Variants in PIR observed in about 807,000 individuals in gnomAD.
PIR encodes the protein pirin (iron-binding nuclear protein).
PIR carries 22 observed loss-of-function variants against 24.2 expected under a neutral mutation model. The ratio of observed to expected loss-of-function variants is 0.91; its 90% CI spans 0.65 to 1.30. PIR has a LOEUF of 1.30. Ranked by LOEUF, PIR falls within the 50% of genes most tolerant of loss-of-function variation. The probability of loss-of-function intolerance (pLI) is 0.00; values close to 1 mark genes in which losing one functional copy is unlikely to be tolerated. For missense variants in PIR, 220 were observed against 220.3 expected (o/e 1.00, Z 0.01); for synonymous variants, 80 against 79.6 (o/e 1.00, Z -0.03).
chrX:15,458,412 G>A (rs929924382), intron 4 of PIR, among the ~76,000 whole-genome samples: 2 of 111,432 alleles, frequency 1.8e-5, no homozygotes, highest in African/African-American at 6.5e-5. Context: ...AGGCCAAGGC[G>A]GGTGGATCGC....
intron 7 of PIR, 49 bp from the exon 8 acceptor site, chrX:15,397,580 T>C (rs760545651): frequency 5.9e-5 from 50 of 846,315 alleles, no homozygotes; most frequent in Non-Finnish European, 7.4e-5. Context: ...AGTACATTTG[T>C]TATATGGTTA....
At chrX:15,425,399 T>TTTTC (rs1343730799) in intron 6 of PIR, among the ~76,000 whole-genome samples, 2 of 107,781 alleles carry the variant, frequency 1.9e-5, no homozygotes, top group South Asian at 3.9e-4. Flanking sequence ...TCTGATTTTC[T>TTTTC]TTTCTTTCTT....
intron 3 of PIR, among the ~76,000 whole-genome samples, chrX:15,468,873 T>G (rs891745928): frequency 1.8e-5 from 2 of 112,652 alleles, no homozygotes; most frequent in Non-Finnish European, 3.8e-5. Context: ...CTCCTGCCAT[T>G]AACATATTAT....
At chrX:15,398,491 A>G (rs1017139918) in intron 7 of PIR, among the ~76,000 whole-genome samples, 6 of 111,215 alleles carry the variant, frequency 5.4e-5, no homozygotes, top group African/African-American at 1.6e-4. Context: ...GATAAACCAC[A>G]AGAGGGAAAT....
chrX:15,439,306 G>C (rs1181134066), intron 5 of PIR, among the ~76,000 whole-genome samples: 1 of 112,382 alleles, frequency 8.9e-6, no homozygotes, highest in African/African-American at 3.2e-5. Context: ...CAAAGACTCG[G>C]TAACAAAAAG....
chrX:15,390,102 T>A, intron 9 of PIR, 83 bp downstream of exon 9: 1 of 457,702 alleles, frequency 2.2e-6, no homozygotes, highest in African/African-American at 2.5e-5. Context: ...AACCAGCTAT[T>A]CTTCCCAACA....
intron 5 of PIR, among the ~76,000 whole-genome samples, chrX:15,442,954 G>A (rs1925967978): frequency 8.9e-6 from 1 of 112,570 alleles, no homozygotes; most frequent in Non-Finnish European, 1.9e-5. Context: ...CACTGATGAA[G>A]GTGGCTACAC....
intron 3 of PIR, chrX:15,464,449 T>C: frequency 2.7e-6 from 2 of 748,318 alleles, no homozygotes; most frequent in Non-Finnish European, 3.2e-6. Context: ...TTATTTTACA[T>C]AGACGCTGAT....
chrX:15,412,071 T>G (rs1449128967), intron 6 of PIR, among the ~76,000 whole-genome samples: 1 of 112,138 alleles, frequency 8.9e-6, no homozygotes, highest in African/African-American at 3.2e-5. Context: ...CTTACAAAAG[T>G]ATAGTGCACT....
intron 9 of PIR, among the ~76,000 whole-genome samples, chrX:15,387,838 A>T (rs1923825177): frequency 9.0e-6 from 1 of 111,617 alleles, no homozygotes; most frequent in African/African-American, 3.3e-5. Flanking sequence ...CGTGCACATG[A>T]ATCAGCTGGG....
chrX:15,426,094 A>T (rs111780638), intron 5 of PIR, 104 bp from the exon 6 acceptor site: 7,391 of 495,909 alleles, frequency 0.015, 381 homozygotes, highest in African/African-American at 0.15. Context: ...TCCATTATAT[A>T]TATAGTTCCT....
chrX:15,463,721 G>A (rs1921413862), intron 3 of PIR, among the ~76,000 whole-genome samples: 1 of 112,232 alleles, frequency 8.9e-6, no homozygotes, highest in African/African-American at 3.2e-5. Context: ...AGGGATAGAA[G>A]AGACCCATTT....
chrX:15,387,181 C>T (rs1406457304), intron 9 of PIR, among the ~76,000 whole-genome samples: 1 of 100,006 alleles, frequency 1.0e-5, no homozygotes, highest in Non-Finnish European at 2.0e-5. Context: ...CTGCAACCTC[C>T]GCCTCCCGGG....
chrX:15,391,352 G>T (rs1923952525), intron 8 of PIR, among the ~76,000 whole-genome samples: 1 of 111,330 alleles, frequency 9.0e-6, no homozygotes, highest in South Asian at 3.7e-4. Context: ...ACAAAAATTT[G>T]CTAATTTTAA....
At chrX:15,435,961 G>A (rs2147042533) in intron 5 of PIR, among the ~76,000 whole-genome samples, 1 of 112,388 alleles carries the variant, frequency 8.9e-6, no homozygotes, top group African/African-American at 3.2e-5. Flanking sequence ...TAAGCAATGG[G>A]AAAGATTAGT....
intron 5 of PIR, among the ~76,000 whole-genome samples, chrX:15,446,778 CCT>C (rs751906911): frequency 2.1e-4 from 24 of 111,664 alleles, no homozygotes; most frequent in East Asian, 8.4e-4. Context: ...CATCCAGCCC[CCT>C]GATTTTTTCA....
intron 6 of PIR, among the ~76,000 whole-genome samples, chrX:15,411,714 G>A (rs970498199): frequency 2.0e-4 from 22 of 111,353 alleles, no homozygotes; most frequent in African/African-American, 6.5e-4. Flanking sequence ...AGCTTTGGCA[G>A]GTAACTCCTT....
At chrX:15,396,889 T>C (rs746873156) in intron 8 of PIR, among the ~76,000 whole-genome samples, 15 of 111,304 alleles carry the variant, frequency 1.3e-4, no homozygotes, top group South Asian at 3.8e-4. Context: ...CACAGGCGCC[T>C]GCCACCATGT....
chrX:15,470,393 T>C (rs1921823473), intron 3 of PIR, among the ~76,000 whole-genome samples: 2 of 111,685 alleles, frequency 1.8e-5, no homozygotes, highest in Non-Finnish European at 3.8e-5. Context: ...TGGATGACTC[T>C]GAAGCAGCTT....
Sources: gnomAD v4.1 joint callset for allele counts (sites outside exome capture counted in the v4.1 genomes callset) on GRCh38, gnomAD v4.1.1 for gene constraint, MANE v1.5 for transcripts, NCBI Gene and HGNC (gene_info 2026-07-23, HGNC 2026-07-21) for gene names.